The following SLC5A3 variants were observed in gnomAD, a reference collection of about 807,000 sequenced individuals.
The protein encoded by SLC5A3 is sodium/myo-inositol cotransporter.
In SLC5A3, 10 loss-of-function variants were observed where a neutral mutation model predicts 43.2. The ratio of observed to expected loss-of-function variants is 0.23; its 90% CI spans 0.14 to 0.39. The LOEUF (loss-of-function observed/expected upper bound fraction) is 0.39, where lower values mean the gene tolerates loss of function less well. SLC5A3 is among the 10% of genes least tolerant of loss of function. The pLI, the probability that SLC5A3 is intolerant of heterozygous loss-of-function variation, is 1.00. For missense variants in SLC5A3, 608 were observed against 893.4 expected, an observed-to-expected ratio of 0.68 and a Z score of 4.07; for synonymous variants, 349 against 322.0, an observed-to-expected ratio of 1.08 and a Z score of -0.90.
chr21:34,097,688 A>T lies in SLC5A3; in HGVS notation c.*333A>T. On this transcript the variant is annotated 3_prime_UTR_variant, in exon 2 of 2. Coordinates refer to ENST00000381151, the MANE Select transcript of SLC5A3 (RefSeq NM_006933.7). ...CCATGAATTAAGGTATACTGTCTGCACTGCCAAGTCTTGGCAGACCTTACC... is the reference window on the plus strand; with the variant it reads ...CCATGAATTAAGGTATACTGTCTGCTCTGCCAAGTCTTGGCAGACCTTACC... 9.7e-7 allele frequency: 1 copy of T among 1,027,980 alleles called. No homozygotes were observed. Among genetic ancestry groups the T allele is most frequent in the Non-Finnish European group, 1.2e-6 (1 of 848,778 alleles). 63.7% of individuals were successfully genotyped at this position (1,027,980 alleles called of 1,614,324 possible).
At position 34,099,001 on chromosome 21, in the gene SLC5A3, ATTT is replaced by A; in HGVS notation, c.*1651_*1653del. 1 of 990,560 alleles carries A rather than the reference ATTT, an allele frequency of 1.0e-6. No individual in the cohort carries two copies. Among genetic ancestry groups the A allele is most frequent in the Non-Finnish European group, 1.2e-6 (1 of 821,238 alleles). The allele number at this position is 990,560 out of a possible 1,614,324, so 61.4% of individuals were successfully genotyped here. A position where few individuals can be genotyped will look rare whatever the true frequency, so the allele number is the denominator to read the frequency against. On this transcript the variant is annotated 3_prime_UTR_variant, in exon 2 of 2. Transcript: ENST00000381151. ...TTTGAATCAAAACTCAGTCTTTTTA[ATTT>A]TTTTGTAGTCTATAAACTAGTTTCA...
chr21:34,073,601 C>A lies in SLC5A3; in HGVS notation c.-481C>A. On this transcript the variant is annotated 5_prime_UTR_variant, in exon 1 of 2. Coordinates refer to ENST00000381151, the MANE Select transcript of SLC5A3 (RefSeq NM_006933.7). ...GTGCTTTCGCCGCCTGGGAGCCGTC[C>A]GGCGCAGCAGTTTCTAGGTCCCCAC... 1 of 1,061,868 alleles carries A rather than the reference C, an allele frequency of 9.4e-7. No individual in the cohort carries two copies. Among genetic ancestry groups the A allele is most frequent in the Non-Finnish European group, 1.3e-6 (1 of 746,034 alleles). The allele number at this position is 1,061,868 out of a possible 1,614,324, so 65.8% of individuals were successfully genotyped here.
chr21:34,097,728 T>G lies in SLC5A3; in HGVS notation c.*373T>G. On this transcript the variant is annotated 3_prime_UTR_variant, in exon 2 of 2. Coordinates refer to ENST00000381151, the MANE Select transcript of SLC5A3 (RefSeq NM_006933.7). Reference sequence around the variant, plus strand: ...CAGACCTTACCCTGAAGTAGAAGATTTGCTCATTTCTAAATTTTTTTTTCT... The same window carrying G: ...CAGACCTTACCCTGAAGTAGAAGATGTGCTCATTTCTAAATTTTTTTTTCT... 6.0e-6 allele frequency: 6 copies of G among 1,007,980 alleles called. No individual in the cohort carries two copies. The highest frequency in any genetic ancestry group is 7.2e-6 in the Non-Finnish European group (6 of 835,442). 62.4% of individuals were successfully genotyped at this position (1,007,980 alleles called of 1,614,324 possible).
At chr21:34,078,765 A>G (rs1002791150) in intron 1 of SLC5A3, among the ~76,000 whole-genome samples, 3 of 152,242 alleles carry the variant, frequency 2.0e-5, no homozygotes, top group Admixed American at 6.5e-5. Flanking sequence ...AAGGAAGGGT[A>G]GAGAACAAAT....
At position 34,097,245 on chromosome 21, in the gene SLC5A3, G is replaced by T; in HGVS notation, c.2047G>T (p.Val683Phe). Residue 683 changes from valine to phenylalanine, a missense_variant, in exon 2 of 2, where the codon GTT becomes TTT. Val to Phe is a conservative substitution (Grantham distance 50). Around this residue, in one of 2 missense-constraint regions of SLC5A3, gnomAD observed 210 missense variants for 224.8 expected, o/e 0.93. Coordinates refer to ENST00000381151, the MANE Select transcript of SLC5A3 (RefSeq NM_006933.7). ...CAGAGACCTGATGGAAGAGGAGGCTGTTTGTTTACAGATGCTAGAAGAGAC... is the reference window on the plus strand; with the variant it reads ...CAGAGACCTGATGGAAGAGGAGGCTTTTTGTTTACAGATGCTAGAAGAGAC... ...SLRDLMEEEA[V>F]CLQMLEETRQ... The T allele has an allele frequency of 6.2e-7, 1 of 1,614,054 alleles. No homozygotes were observed. The highest frequency in any genetic ancestry group is 8.5e-7 in the Non-Finnish European group (1 of 1,179,900).
Position 34,097,672 on chromosome 21 carries a change from A to C in SLC5A3, c.*317A>C. On this transcript the variant is annotated 3_prime_UTR_variant, in exon 2 of 2. Transcript: ENST00000381151. ...AATATATGTTAAGTTACCATGAATT[A>C]AGGTATACTGTCTGCACTGCCAAGT... The C allele has an allele frequency of 1.9e-6, 2 of 1,059,478 alleles. No individual in the cohort carries two copies. The highest frequency in any genetic ancestry group is 2.3e-6 in the Non-Finnish European group (2 of 868,580). 65.6% of individuals were successfully genotyped at this position (1,059,478 alleles called of 1,614,324 possible).
chr21:34,075,301 C>T (rs1446868329), intron 1 of SLC5A3, among the ~76,000 whole-genome samples: 1 of 152,180 alleles, frequency 6.6e-6, no homozygotes, highest in East Asian at 1.9e-4. Flanking sequence ...TTCTGTAACC[C>T]TTTGAAACCT....
At chr21:34,074,300 A>G (rs1556001480) in intron 1 of SLC5A3, among the ~76,000 whole-genome samples, 1 of 152,090 alleles carries the variant, frequency 6.6e-6, no homozygotes, top group Non-Finnish European at 1.5e-5. Flanking sequence ...CGTTGTCTGT[A>G]TTCCAGTCTC....
rs1979368874 is a variant in SLC5A3, at chr21:34,104,096, G to A, written c.*6741G>A. The A allele has an allele frequency of 2.0e-6, 2 of 999,688 alleles. No individual in the cohort carries two copies. Among genetic ancestry groups the A allele is most frequent in the Non-Finnish European group, 1.2e-6 (1 of 829,842 alleles). 61.9% of individuals were successfully genotyped at this position (999,688 alleles called of 1,614,324 possible). A position where few individuals can be genotyped will look rare whatever the true frequency, so the allele number is the denominator to read the frequency against. ...CTTGTCTTTGATTTTTTTTGTGTAC[G>A]TTTGTATGTGAGAGATGAAGTTACC... On this transcript the variant is annotated 3_prime_UTR_variant, in exon 2 of 2. Transcript: ENST00000381151.
rs141843184 is a variant in SLC5A3 at position 34,100,737 on chromosome 21, A to T, written c.*3382A>T. 106 of 999,842 alleles carry T rather than the reference A, an allele frequency of 1.1e-4. No individual in the cohort carries two copies. The East Asian group carries it at 8.3e-3, about 78-fold the overall frequency. The allele number at this position is 999,842 out of a possible 1,614,324, so 61.9% of individuals were successfully genotyped here. A position where few individuals can be genotyped will look rare whatever the true frequency, so the allele number is the denominator to read the frequency against. ...GGTTAACTCTTGTGAGAGCCAATAG[A>T]GTGTGTCTGTATTCGCAGTCCATGG... is the stretch of plus-strand genomic sequence containing the variant. On this transcript the variant is annotated 3_prime_UTR_variant, in exon 2 of 2. Transcript: ENST00000381151.
At chr21:34,086,907 G>A (rs887489584) in intron 1 of SLC5A3, among the ~76,000 whole-genome samples, 6 of 152,156 alleles carry the variant, frequency 3.9e-5, no homozygotes, top group Non-Finnish European at 8.8e-5. Context: ...GTTGCTTGCC[G>A]GCACTGACCT....
chr21:34,090,486 T>C (rs1978629317), intron 1 of SLC5A3, among the ~76,000 whole-genome samples: 1 of 152,224 alleles, frequency 6.6e-6, no homozygotes, highest in South Asian at 2.1e-4. Context: ...GATGAGACAG[T>C]TGGGAGTCTA....
chr21:34,076,853 C>T (rs1005211610), intron 1 of SLC5A3, among the ~76,000 whole-genome samples: 1 of 152,046 alleles, frequency 6.6e-6, no homozygotes, highest in African/African-American at 2.4e-5. Flanking sequence ...CCTGTTACAC[C>T]CATATCAGAT....
rs566225776 is a variant in SLC5A3, at chr21:34,094,432, C to T, written c.-336-431C>T. On this transcript the variant is annotated intron_variant, in intron 1 of 1. Transcript: ENST00000381151. ...GGACCCTAACTGGCCATAAAGTTAC[C>T]CCCAAACTCTCTTAGGATTCATAGT... Among the ~76,000 whole-genome samples the T allele has an allele frequency of 2.0e-5, 3 of 152,242 alleles. No homozygotes were observed. The East Asian group carries it at 5.8e-4, about 29-fold the overall frequency.
intron 1 of SLC5A3, among the ~76,000 whole-genome samples, chr21:34,080,660 C>T (rs1989438050): frequency 6.6e-6 from 1 of 152,210 alleles, no homozygotes; most frequent in African/African-American, 2.4e-5. Context: ...ACATGGATCA[C>T]TTTCTACTTT....
rs532545665 is a variant in SLC5A3 at position 34,081,774 on chromosome 21, G to A, written c.-337+8029G>A. On this transcript the variant is annotated intron_variant, in intron 1 of 1. Transcript: ENST00000381151. ...GTAGCTTTGTGGTCTTAGGCAAGTC[G>A]CTGTGAACTTCATTGCCTAGTTTTT... is the stretch of plus-strand genomic sequence containing the variant. Among the ~76,000 whole-genome samples the A allele has an allele frequency of 1.2e-4, 19 of 152,270 alleles. 1 individual carries two copies. The South Asian group carries it at 3.5e-3, about 28-fold the overall frequency.
Position 34,103,566 on chromosome 21 carries a change from A to T in SLC5A3, c.*6211A>T. The T allele has an allele frequency of 1.0e-6, 1 of 1,000,222 alleles. No homozygotes were observed. The highest frequency in any genetic ancestry group is 1.2e-6 in the Non-Finnish European group (1 of 829,950). The allele number at this position is 1,000,222 out of a possible 1,614,324, so 62.0% of individuals were successfully genotyped here. A position where few individuals can be genotyped will look rare whatever the true frequency, so the allele number is the denominator to read the frequency against. The stretch of plus-strand genomic sequence containing the variant: ...TCCATGATAGAAAGCTAAAGTCCAT[A>T]GAAAGCACAAAATCGTGTTCACACA... On this transcript the variant is annotated 3_prime_UTR_variant, in exon 2 of 2. Transcript: ENST00000381151.
At position 34,105,221 on chromosome 21, in the gene SLC5A3, C is replaced by T. The variant is rs772183302; in HGVS notation, c.*7866C>T. 2.0e-4 allele frequency: 204 copies of T among 1,000,064 alleles called. No homozygotes were observed. Among genetic ancestry groups the T allele is most frequent in the Admixed American group, 2.5e-4 (4 of 16,246 alleles). 61.9% of individuals were successfully genotyped at this position (1,000,064 alleles called of 1,614,324 possible). A position where few individuals can be genotyped will look rare whatever the true frequency, so the allele number is the denominator to read the frequency against. ...TTCAGAAATAGAGCAGGGATTTACC[C>T]GTTCTTTGCTTGGACATCCCATTTT... On this transcript the variant is annotated 3_prime_UTR_variant, in exon 2 of 2. Transcript: ENST00000381151.
At position 34,100,025 on chromosome 21, in the gene SLC5A3, A is replaced by T. The variant is rs1344481731; in HGVS notation, c.*2670A>T. ...AGCTAGCAAAATGTTCATACTTTACACTGACTAAATGGGTCCTAAATGATG... is the reference window on the plus strand; with the variant it reads ...AGCTAGCAAAATGTTCATACTTTACTCTGACTAAATGGGTCCTAAATGATG... On this transcript the variant is annotated 3_prime_UTR_variant, in exon 2 of 2. Transcript: ENST00000381151. The T allele has an allele frequency of 1.1e-6, 1 of 904,560 alleles. No homozygotes were observed. Among genetic ancestry groups the T allele is most frequent in the African/African-American group, 1.8e-5 (1 of 55,402 alleles). The allele number at this position is 904,560 out of a possible 1,614,324, so 56.0% of individuals were successfully genotyped here.
Sources: allele counts gnomAD v4.1 joint callset (sites outside exome capture counted in the v4.1 genomes callset), GRCh38; gene constraint gnomAD v4.1.1; regional missense constraint gnomAD v4.1.1; transcripts MANE v1.5; gene names NCBI Gene and HGNC (gene_info 2026-07-23, HGNC 2026-07-21).